Variants in BLOC1S3 observed in about 807,000 individuals in gnomAD.
BLOC1S3 encodes the protein biogenesis of lysosome-related organelles complex 1 subunit 3.
BLOC1S3 carries 7 observed loss-of-function variants against 9.1 expected under a neutral mutation model. The observed-to-expected ratio is 0.77, with a 90% CI of 0.44 to 1.45. BLOC1S3 has a LOEUF of 1.45. Among genes scored for constraint, BLOC1S3 ranks in the 40% most tolerant of loss-of-function variants. The pLI is 0.01. For missense variants in BLOC1S3, 307 were observed against 315.2 expected (o/e 0.97, Z 0.20); for synonymous variants, 145 against 158.4 (o/e 0.92, Z 0.64).
chr19:45,209,515 G>A (rs190777072), intron 3 of BLOC1S3, among the ~76,000 whole-genome samples: 10 of 152,084 alleles, frequency 6.6e-5, no homozygotes, highest in African/African-American at 9.6e-5. Context: ...TCCGCCTCCC[G>A]GTTTCACTCC....
At chr19:45,216,159 G>C in intron 3 of BLOC1S3, 2 of 1,613,950 alleles carry the variant, frequency 1.2e-6, no homozygotes, top group African/African-American at 2.7e-5. Context: ...CAGCCAAATG[G>C]GGCACCACGG....
At chr19:45,196,939 G>C (rs1369875468) in intron 2 of BLOC1S3, among the ~76,000 whole-genome samples, 1 of 150,998 alleles carries the variant, frequency 6.6e-6, no homozygotes, top group African/African-American at 2.4e-5. Context: ...GTCTGAGAGA[G>C]ATCAGTGACT....
chr19:45,215,714 C>A (rs1422078510), intron 3 of BLOC1S3, among the ~76,000 whole-genome samples: 2 of 152,144 alleles, frequency 1.3e-5, no homozygotes, highest in Non-Finnish European at 2.9e-5. Flanking sequence ...ATGCCGCCTG[C>A]GCCTGCCGCT....
chr19:45,181,965 G>C (rs564602731), downstream of BLOC1S3, among the ~76,000 whole-genome samples: 1 of 152,072 alleles, frequency 6.6e-6, no homozygotes, highest in Non-Finnish European at 1.5e-5. Flanking sequence ...GTATTTACTC[G>C]TATTTTATTA....
intron 3 of BLOC1S3, among the ~76,000 whole-genome samples, chr19:45,205,207 C>T (rs894245197): frequency 3.3e-5 from 5 of 151,952 alleles, no homozygotes; most frequent in Non-Finnish European, 5.9e-5. Context: ...GCACTGTCGC[C>T]CAGACTGGAG....
chr19:45,186,979 C>G (rs1969570284), upstream of BLOC1S3, among the ~76,000 whole-genome samples: 1 of 152,182 alleles, frequency 6.6e-6, no homozygotes, highest in South Asian at 2.1e-4. Flanking sequence ...AGGCAGTCAG[C>G]AGGCAGTCAC....
At chr19:45,212,064 G>A (rs962096747) in intron 3 of BLOC1S3, among the ~76,000 whole-genome samples, 2 of 152,172 alleles carry the variant, frequency 1.3e-5, no homozygotes, top group Admixed American at 6.5e-5. Context: ...GCAGCTTCCC[G>A]GCTAAGGATG....
Position 45,212,889 on chromosome 19 carries a change from C to T in BLOC1S3, n.283-3787C>T, listed in dbSNP as rs555630174. The T allele has an allele frequency of 2.8e-4, 177 of 638,134 alleles. 3 individuals carry two copies. The South Asian group carries it at 3.2e-3, about 11-fold the overall frequency. 39.5% of individuals were successfully genotyped at this position (638,134 alleles called of 1,614,324 possible). ...TGTTGGGATTACAGGCATGAGCCAC[C>T]GTGCCTGGCGTTTGTTTCCCTTCTG... On this transcript the variant is annotated intron_variant and non_coding_transcript_variant, in intron 3 of 3. Coordinates refer to the BLOC1S3 transcript ENST00000591569.
At chr19:45,211,933 C>A (rs1969775658) in intron 3 of BLOC1S3, among the ~76,000 whole-genome samples, 1 of 152,158 alleles carries the variant, frequency 6.6e-6, no homozygotes, top group Admixed American at 6.6e-5. Flanking sequence ...GGACTAGGAT[C>A]CGGCGGGGCT....
intron 3 of BLOC1S3, chr19:45,213,203 G>A (rs778606014): frequency 2.5e-6 from 4 of 1,610,512 alleles, no homozygotes; most frequent in Non-Finnish European, 3.4e-6. Context: ...GATGGGCGGG[G>A]CACAGGGATG....
At chr19:45,184,796 AG>A (rs2122894905), downstream of BLOC1S3, among the ~76,000 whole-genome samples, 1 of 146,526 alleles carries the variant, frequency 6.8e-6, no homozygotes, top group African/African-American at 2.5e-5. Flanking sequence ...GCTACTCGGG[AG>A]GCTGAGGCAG....
At chr19:45,201,255 A>C (rs1308781192) in intron 2 of BLOC1S3, among the ~76,000 whole-genome samples, 2 of 151,840 alleles carry the variant, frequency 1.3e-5, no homozygotes, top group Admixed American at 1.3e-4. Context: ...GTCTTGGTTA[A>C]GATTCAGGAG....
At chr19:45,206,988 C>T (rs1215874964) in intron 3 of BLOC1S3, among the ~76,000 whole-genome samples, 1 of 151,988 alleles carries the variant, frequency 6.6e-6, no homozygotes, top group Admixed American at 6.6e-5. Flanking sequence ...ATTATAGGCG[C>T]CTGCCACCAT....
chr19:45,193,132 CAAAAAAAAAAAAAAAA>C (rs71173123), intron 2 of BLOC1S3, among the ~76,000 whole-genome samples: 2 of 77,928 alleles, frequency 2.6e-5, no homozygotes, highest in Admixed American at 3.4e-4. Context: ...AACTCCGTCT[CAAAAAAAAAAAAAAAA>C]AAAAAAAAAA....
rs1379239990 is a variant in BLOC1S3 at position 45,180,018 on chromosome 19, G to A, written c.*113G>A. The A allele has an allele frequency of 3.1e-6, 4 of 1,309,704 alleles. No homozygotes were observed. In the Admixed American group the frequency reaches 6.9e-5, roughly 23 times the overall value. The allele number at this position is 1,309,704 out of a possible 1,614,324, so 81.1% of individuals were successfully genotyped here. A position where few individuals can be genotyped will look rare whatever the true frequency, so the allele number is the denominator to read the frequency against. On this transcript the variant is annotated 3_prime_UTR_variant, in exon 2 of 2. Coordinates refer to ENST00000433642, the MANE Select transcript of BLOC1S3 (RefSeq NM_212550.5). ...ACCCCCCACCCCCGCTCCCATCTTGGTGTCACCCATGGGGGCTAATCCGGT... is the reference window on the plus strand; with the variant it reads ...ACCCCCCACCCCCGCTCCCATCTTGATGTCACCCATGGGGGCTAATCCGGT...
At chr19:45,207,558 A>AG (rs1969736689) in intron 3 of BLOC1S3, among the ~76,000 whole-genome samples, 1 of 73,684 alleles carries the variant, frequency 1.4e-5, no homozygotes, top group Non-Finnish European at 2.2e-5. Flanking sequence ...TCTGTCTCAA[A>AG]AAAAAAAAAA....
intron 3 of BLOC1S3, among the ~76,000 whole-genome samples, chr19:45,207,785 G>GGTGCACACGCATACACCTGCAT (rs1284479026): frequency 4.6e-5 from 7 of 152,160 alleles, no homozygotes; most frequent in South Asian, 2.1e-4. Flanking sequence ...GGAATGTGCA[G>GGTGCACACGCATACACCTGCAT]GTGCACACGC....
intron 2 of BLOC1S3, among the ~76,000 whole-genome samples, chr19:45,199,581 TGGGATTACA>T (rs1969674271): frequency 6.6e-6 from 1 of 152,022 alleles, no homozygotes; most frequent in Non-Finnish European, 1.5e-5. Flanking sequence ...CCCAAAGTGC[TGGGATTACA>T]GGTGTGAGCC....
intron 2 of BLOC1S3, among the ~76,000 whole-genome samples, chr19:45,193,176 A>G (rs115939723): frequency 0.017 from 2,418 of 141,256 alleles, 33 homozygotes; most frequent in Non-Finnish European, 0.025. Context: ...TATTTTTGCT[A>G]CCCCGTTCAG....
Sources: gnomAD v4.1 joint callset for allele counts (sites outside exome capture counted in the v4.1 genomes callset) on GRCh38, gnomAD v4.1.1 for gene constraint, MANE v1.5 for transcripts, NCBI Gene and HGNC (gene_info 2026-07-23, HGNC 2026-07-21) for gene names.